ADGRL3: variants seen among roughly 807,000 people sequenced by gnomAD.
ADGRL3 encodes adhesion G protein-coupled receptor L3.
ADGRL3 carries 62 observed loss-of-function variants against 153.5 expected under a neutral mutation model. That is an observed-to-expected ratio of 0.40 (90% CI 0.33 to 0.50). ADGRL3 has a LOEUF of 0.50. ADGRL3 is among the 20% of genes least tolerant of loss of function. The pLI is 0.47. For synonymous variants in ADGRL3, 710 were observed against 672.5 expected, an observed-to-expected ratio of 1.06 and a Z score of -0.86; for missense variants, 1,641 against 1,859.4, an observed-to-expected ratio of 0.88 and a Z score of 2.16.
At chr4:61,646,120 T>C (rs1000200916) in intron 5 of ADGRL3, among the ~76,000 whole-genome samples, 2 of 152,150 alleles carry the variant, frequency 1.3e-5, no homozygotes, top group Non-Finnish European at 2.9e-5. Context: ...TCTCGAGCCT[T>C]GGTTTTCAGC....
At chr4:61,368,356 T>C (rs1578466905) in intron 1 of ADGRL3, among the ~76,000 whole-genome samples, 1 of 152,206 alleles carries the variant, frequency 6.6e-6, no homozygotes, top group African/African-American at 2.4e-5. Context: ...TTTTTATGGT[T>C]TTAGGTTTAA....
chr4:62,031,358 T>C, intron 22 of ADGRL3, 84 bp from the exon 23 acceptor site: 2 of 1,132,374 alleles, frequency 1.8e-6, no homozygotes, highest in East Asian at 4.8e-5. Flanking sequence ...TAACATTTTT[T>C]TCAGTGTCGT....
At chr4:61,521,180 G>GA (rs1278910871) in intron 4 of ADGRL3, among the ~76,000 whole-genome samples, 1 of 152,144 alleles carries the variant, frequency 6.6e-6, no homozygotes, top group African/African-American at 2.4e-5. Context: ...GTGGGTTAGA[G>GA]AAGGTGCCCC....
At chr4:61,837,176 AAAG>A (rs1339794172) in intron 9 of ADGRL3, among the ~76,000 whole-genome samples, 1 of 152,168 alleles carries the variant, frequency 6.6e-6, no homozygotes, top group African/African-American at 2.4e-5. Context: ...AGAGTTGGTA[AAAG>A]ATATGTTAAA....
At chr4:61,506,189 A>G (rs1326399875) in intron 3 of ADGRL3, among the ~76,000 whole-genome samples, 1 of 152,108 alleles carries the variant, frequency 6.6e-6, no homozygotes, top group Non-Finnish European at 1.5e-5. Flanking sequence ...TTGTTATAGT[A>G]TGAGGATTAA....
intron 5 of ADGRL3, among the ~76,000 whole-genome samples, chr4:61,644,416 T>G (rs1215262063): frequency 6.6e-6 from 1 of 152,170 alleles, no homozygotes; most frequent in African/African-American, 2.4e-5. Context: ...TGCTTTCTCT[T>G]GTGGGCATTT....
At chr4:61,530,013 A>T (rs2098602462) in intron 4 of ADGRL3, among the ~76,000 whole-genome samples, 1 of 152,176 alleles carries the variant, frequency 6.6e-6, no homozygotes, top group Non-Finnish European at 1.5e-5. Flanking sequence ...TGAATTAAAT[A>T]GTTGGCAGGG....
intron 2 of ADGRL3, among the ~76,000 whole-genome samples, chr4:61,456,732 G>T (rs889963051): frequency 2.0e-5 from 3 of 151,140 alleles, no homozygotes; most frequent in Non-Finnish European, 4.4e-5. Context: ...TTTTGAGGTG[G>T]GTCTTGAAAT....
chr4:61,733,575 T>TA (rs750580874), intron 8 of ADGRL3, 21 bp downstream of exon 8: 24 of 1,493,782 alleles, frequency 1.6e-5, no homozygotes, highest in Non-Finnish European at 2.2e-5. Context: ...CCTTTTGTGG[T>TA]ACTCTTTGGG....
chr4:61,961,094 C>A (rs2150488395), intron 17 of ADGRL3, among the ~76,000 whole-genome samples: 1 of 152,278 alleles, frequency 6.6e-6, no homozygotes, highest in Admixed American at 6.5e-5. Flanking sequence ...TTAGCATATT[C>A]ACCCAGGCCT....
At chr4:61,947,978 G>T in intron 16 of ADGRL3, 122 bp from the exon 17 acceptor site, 2 of 709,312 alleles carry the variant, frequency 2.8e-6, no homozygotes, top group Non-Finnish European at 4.7e-6. Flanking sequence ...TGAAACCATT[G>T]GTAGACATCT....
At chr4:61,335,993 A>G (rs2095666879) in intron 1 of ADGRL3, among the ~76,000 whole-genome samples, 1 of 152,148 alleles carries the variant, frequency 6.6e-6, no homozygotes, top group Admixed American at 6.6e-5. Flanking sequence ...ATAATTCTAA[A>G]TTTATTTATT....
intron 8 of ADGRL3, among the ~76,000 whole-genome samples, chr4:61,762,314 T>C (rs1163011692): frequency 6.6e-6 from 1 of 152,172 alleles, no homozygotes; most frequent in Non-Finnish European, 1.5e-5. Flanking sequence ...GGTTAAGCAT[T>C]ACTTTTTATT....
rs756105011 is a variant in ADGRL3 at position 61,732,793 on chromosome 4, G to A, written c.638G>A (p.Ser213Asn). The A allele has an allele frequency of 3.1e-6, 5 of 1,594,538 alleles. No homozygotes were observed. Residue 213 changes from serine to asparagine, a missense_variant, in exon 8 of 27, where the codon AGT becomes AAT. Ser to Asn is a conservative substitution (Grantham distance 46). Coordinates refer to ENST00000683033, the MANE Select transcript of ADGRL3 (RefSeq NM_001387552.1). The part of the protein sequence containing the change: ...CPGLLKGVYQ[S>N]EHLFESDHQS... The stretch of plus-strand genomic sequence containing the variant: ...GGACTACTAAAAGGAGTATACCAGA[G>A]TGAACATTTGTTTGAGTCCGACCAC...
intron 5 of ADGRL3, among the ~76,000 whole-genome samples, chr4:61,594,215 C>T (rs2098980395): frequency 6.6e-6 from 1 of 152,118 alleles, no homozygotes; most frequent in African/African-American, 2.4e-5. Flanking sequence ...TCTTTGCTAT[C>T]TTGAATTTCT....
intron 9 of ADGRL3, among the ~76,000 whole-genome samples, chr4:61,865,290 A>T (rs2098389300): frequency 6.6e-6 from 1 of 152,174 alleles, no homozygotes; most frequent in Non-Finnish European, 1.5e-5. Flanking sequence ...AAATCTAAGT[A>T]GTTTTGAAAG....
At chr4:61,498,173 T>G (rs2098341761) in intron 3 of ADGRL3, among the ~76,000 whole-genome samples, 1 of 152,150 alleles carries the variant, frequency 6.6e-6, no homozygotes, top group African/African-American at 2.4e-5. Context: ...ATCTTTAATA[T>G]ACAGAACACA....
chr4:62,007,117 A>G (rs2099161862), intron 21 of ADGRL3, among the ~76,000 whole-genome samples: 1 of 151,658 alleles, frequency 6.6e-6, no homozygotes, highest in African/African-American at 2.4e-5. Context: ...GGTTGCATTG[A>G]AAAGCAGGAA....
At position 62,037,788 on chromosome 4, in the gene ADGRL3, G is replaced by A; in HGVS notation, c.3649G>A (p.Glu1217Lys). Reference sequence around the variant, plus strand: ...ACATTGCTGTAGTGGCAAAAGTACAGAGAGTTCCATTGGTTCAGGGAAAAC... The same window carrying A: ...ACATTGCTGTAGTGGCAAAAGTACAAAGAGTTCCATTGGTTCAGGGAAAAC... Reference protein sequence around the residue: ...RTHCCSGKSTESSIGSGKTSG... With the variant: ...RTHCCSGKSTKSSIGSGKTSG... Residue 1217 changes from glutamate (E) to lysine (K), a missense_variant, in exon 24 of 27, where the codon GAG (glutamate) becomes AAG (lysine). By Grantham distance (56) the Glu-to-Lys change is moderately conservative. Transcript: ENST00000683033. 2 of 1,613,794 alleles carry A rather than the reference G, an allele frequency of 1.2e-6. No homozygotes were observed. Among genetic ancestry groups the A allele is most frequent in the Non-Finnish European group, 1.7e-6 (2 of 1,179,774 alleles).
Sources: allele counts gnomAD v4.1 joint callset (sites outside exome capture counted in the v4.1 genomes callset), GRCh38; gene constraint gnomAD v4.1.1; transcripts MANE v1.5; gene names NCBI Gene and HGNC (gene_info 2026-07-23, HGNC 2026-07-21).